The following GSN variants were observed in gnomAD, a reference collection of about 807,000 sequenced individuals.
GSN encodes the protein actin-depolymerizing factor.
In GSN, 56 loss-of-function variants were observed where a neutral mutation model predicts 85.7. The ratio of observed to expected loss-of-function variants is 0.65; its 90% CI spans 0.53 to 0.82. The LOEUF (loss-of-function observed/expected upper bound fraction) is 0.82. Ranked by LOEUF, GSN falls within the 40% of genes least tolerant of loss-of-function variation. The probability of loss-of-function intolerance (pLI) is 0.00; values close to 1 mark genes in which losing one functional copy is unlikely to be tolerated. For synonymous variants in GSN, 373 were observed against 399.1 expected (o/e 0.93, Z 0.78); for missense variants, 857 against 979.8 (o/e 0.87, Z 1.67).
chr9:121,332,699 A>AGCGT lies in GSN; in HGVS notation c.*97_*98insCGTG. ...GAGCGAGCAGAGCAGCTCTGCTATG[A>AGCGT]GTGTGTGTGTGTGTGTGTGTTGTTT... is the stretch of plus-strand genomic sequence containing the variant. On this transcript the variant is annotated 3_prime_UTR_variant, in exon 18 of 18. Transcript: ENST00000432226. The surrounding 1 kb of genome is among the most constrained non-coding windows in gnomAD (Gnocchi z 4.8). 1.4e-6 allele frequency: 1 copy of AGCGT among 707,142 alleles called. No homozygotes were observed. Among genetic ancestry groups the AGCGT allele is most frequent in the African/African-American group, 1.9e-5 (1 of 54,012 alleles). 43.8% of individuals were successfully genotyped at this position (707,142 alleles called of 1,614,324 possible). A position where few individuals can be genotyped will look rare whatever the true frequency, so the allele number is the denominator to read the frequency against.
Position 121,318,650 on chromosome 9 carries a change from G to GCCTCC in GSN, c.976-7_976-3dup. Reference sequence around the variant, plus strand: ...CAGCCCAGCCACATCCTGCTCCTCTGCCTCCCCTCCCCAGGTCTCGGTCCT... The same window carrying GCCTCC: ...CAGCCCAGCCACATCCTGCTCCTCTGCCTCCCCTCCCCTCCCCAGGTCTCGGTCCT... On this transcript the variant is annotated splice_polypyrimidine_tract_variant and intron_variant, in intron 9 of 17. Transcript: ENST00000432226. This position sits in a 1 kb window ranked among gnomAD's most constrained non-coding sequence, Gnocchi z 4.3. 6.3e-7 allele frequency: 1 copy of GCCTCC among 1,598,630 alleles called. No homozygotes were observed. The highest frequency in any genetic ancestry group is 8.6e-7 in the Non-Finnish European group (1 of 1,165,982).
chr9:121,303,028 C>A lies in GSN; in HGVS notation c.314C>A (p.Thr105Asn). ...HREVQGFESA[T>N]FLGYFKSGLK... ...GAGGTCCAGGGCTTCGAGTCGGCCA[C>A]CTTCCTAGGCTACTTCAAGTCTGGC... The change falls in exon 4 of 18, where the codon ACC (threonine) becomes AAC (asparagine). Residue 105 changes from threonine (T) to asparagine (N), a missense_variant. Physicochemically the swap from Thr to Asn is moderately conservative, Grantham distance 65 (BLOSUM62 0). Transcript: ENST00000432226. The A allele has an allele frequency of 6.2e-7, 1 of 1,613,884 alleles. No homozygotes were observed. The highest frequency in any genetic ancestry group is 8.5e-7 in the Non-Finnish European group (1 of 1,180,010).
At chr9:121,316,828 C>A (rs535217919) in intron 7 of GSN, among the ~76,000 whole-genome samples, 2 of 152,168 alleles carry the variant, frequency 1.3e-5, no homozygotes, top group Non-Finnish European at 2.9e-5. Context: ...TATGCAGTTC[C>A]CCTCTGCACC....
rs1175831999 is a variant in GSN, at chr9:121,332,019, A to G, written c.2027-415A>G. 6.7e-6 allele frequency: 2 copies of G among 299,700 alleles called. No individual in the cohort carries two copies. Among genetic ancestry groups the G allele is most frequent in the East Asian group, 7.9e-5 (1 of 12,604 alleles). The allele number at this position is 299,700 out of a possible 1,614,324, so 18.6% of individuals were successfully genotyped here. A position where few individuals can be genotyped will look rare whatever the true frequency, so the allele number is the denominator to read the frequency against. ...TGCTGTGAGCCATGATCGCACCACT[A>G]TACTGTAGCCTGGGTGACAGAATGA... On this transcript the variant is annotated intron_variant, in intron 17 of 17. Transcript: ENST00000432226. The surrounding 1 kb of genome is among the most constrained non-coding windows in gnomAD (Gnocchi z 4.8).
intron 2 of GSN, among the ~76,000 whole-genome samples, chr9:121,289,409 T>G (rs1429762939): frequency 1.3e-5 from 2 of 152,102 alleles, no homozygotes; most frequent in Admixed American, 1.3e-4. Flanking sequence ...AATTTTCCTC[T>G]AAGCTGTCCT....
At chr9:121,221,838 A>G (rs1343925900) in intron 4 of GSN, among the ~76,000 whole-genome samples, 16 of 152,242 alleles carry the variant, frequency 1.1e-4, no homozygotes, top group Admixed American at 1.0e-3. Context: ...CAACCTGGCC[A>G]CTAAGATGAC....
intron 14 of GSN, among the ~76,000 whole-genome samples, chr9:121,328,381 T>A (rs1484302301): frequency 6.6e-6 from 1 of 152,244 alleles, no homozygotes; most frequent in Non-Finnish European, 1.5e-5. Flanking sequence ...GTTGAGCACT[T>A]GAAATGCGAC....
chr9:121,245,759 A>G (rs554411976), intron 5 of GSN, among the ~76,000 whole-genome samples: 9 of 152,300 alleles, frequency 5.9e-5, no homozygotes. Context: ...TTTTTAAAAA[A>G]GAGACGAGGT....
At position 121,261,071 on chromosome 9, in the gene GSN, C is replaced by T. The variant is rs1163883107; in HGVS notation, c.-340-4083C>T. Among the ~76,000 whole-genome samples the T allele has an allele frequency of 3.3e-5, 5 of 152,310 alleles. No homozygotes were observed. The highest frequency in any genetic ancestry group is 4.1e-4 in the South Asian group (2 of 4,826). ...CACAACATTTGAAAAGCCCATTGTT[C>T]GGTGTTGTGATAATATAACTCTCTG... On this transcript the variant is annotated intron_variant, in intron 6 of 24. Coordinates refer to the GSN transcript ENST00000373823. The surrounding 1 kb of genome is among the most constrained non-coding windows in gnomAD (Gnocchi z 4.1).
chr9:121,312,825 G>A, intron 6 of GSN: 1 of 178,694 alleles, frequency 5.6e-6, no homozygotes, highest in Admixed American at 5.8e-5. Flanking sequence ...ATGAGGTCTT[G>A]CCATGTCGCT....
At chr9:121,222,336 T>A (rs193216875) in intron 4 of GSN, 2 of 152,256 alleles carry the variant, frequency 1.3e-5, no homozygotes, top group Admixed American at 1.3e-4. Context: ...GGTAAAATCA[T>A]GACTCTTAAA....
chr9:121,226,004 C>G (rs941539007), intron 4 of GSN, among the ~76,000 whole-genome samples: 1 of 152,240 alleles, frequency 6.6e-6, no homozygotes, highest in South Asian at 2.1e-4. Flanking sequence ...GGGGTTTCAC[C>G]GTATTGGCCA....
chr9:121,312,483 C>A lies in GSN; in HGVS notation c.658C>A (p.Leu220Ile), dbSNP rs773878610. The change falls in exon 6 of 18, where the codon CTC becomes ATC. Residue 220 changes from leucine (L) to isoleucine (I), a missense_variant. Coordinates refer to ENST00000432226, the MANE Select transcript of GSN (RefSeq NM_198252.3). ...SEEGTEPEAM[L>I]QVLGPKPALP... is the part of the protein sequence containing the mutation. The stretch of plus-strand genomic sequence containing the variant: ...GGAGGGCACTGAGCCCGAGGCGATG[C>A]TCCAGGTGCCTGTGGGGTGCGCAAT... 1.2e-6 allele frequency: 2 copies of A among 1,610,750 alleles called. No homozygotes were observed.
At chr9:121,297,472 G>A (rs968176069) in intron 2 of GSN, among the ~76,000 whole-genome samples, 1 of 152,120 alleles carries the variant, frequency 6.6e-6, no homozygotes, top group Admixed American at 6.5e-5. Context: ...AGGCAGCCAC[G>A]GCAATGTTTG....
intron 4 of GSN, among the ~76,000 whole-genome samples, chr9:121,215,322 A>T (rs922307334): frequency 1.3e-5 from 2 of 151,804 alleles, no homozygotes; most frequent in East Asian, 3.9e-4. Flanking sequence ...CAGGGGTTAG[A>T]ATTTCAACAT....
At chr9:121,222,653 A>G (rs1384605881) in intron 4 of GSN, among the ~76,000 whole-genome samples, 2 of 152,230 alleles carry the variant, frequency 1.3e-5, no homozygotes, top group Non-Finnish European at 2.9e-5. Flanking sequence ...CACAGCACCA[A>G]CGTATGTTAG....
At chr9:121,221,729 T>G (rs2054173499) in intron 4 of GSN, among the ~76,000 whole-genome samples, 1 of 152,066 alleles carries the variant, frequency 6.6e-6, no homozygotes, top group African/African-American at 2.4e-5. Flanking sequence ...GGGCTGACAT[T>G]CTCTGGGCCA....
intron 10 of GSN, among the ~76,000 whole-genome samples, chr9:121,319,889 C>T (rs923127268): frequency 5.3e-5 from 8 of 151,946 alleles, no homozygotes; most frequent in African/African-American, 1.2e-4. Context: ...AGGTAGAATC[C>T]GCCTCAGGCA....
chr9:121,250,032 T>A (rs1292573361), intron 6 of GSN, among the ~76,000 whole-genome samples: 1 of 152,188 alleles, frequency 6.6e-6, no homozygotes, highest in Non-Finnish European at 1.5e-5. Flanking sequence ...GATGCTACCT[T>A]ATCCTGAAGC....
Sources: gnomAD v4.1 joint callset for allele counts (sites outside exome capture counted in the v4.1 genomes callset) on GRCh38, gnomAD v4.1.1 for gene constraint, Gnocchi (gnomAD v3.1) non-coding constraint, MANE v1.5 for transcripts, NCBI Gene and HGNC (gene_info 2026-07-23, HGNC 2026-07-21) for gene names.